FMN1: variants seen among roughly 807,000 people sequenced by gnomAD.
FMN1 encodes formin 1, also known as formin-1.
Under a neutral mutation model 132.4 loss-of-function variants are expected in FMN1, and 110 were observed. That is an observed-to-expected ratio of 0.83 (90% CI 0.71 to 0.97). FMN1 has a LOEUF of 0.97. Ranked by LOEUF, FMN1 falls within the 50% of genes least tolerant of loss-of-function variation. The pLI is 0.00. For synonymous variants in FMN1, 722 were observed against 651.7 expected (o/e 1.11, Z -1.64); for missense variants, 1,792 against 1,705.3 (o/e 1.05, Z -0.90).
intron 5 of FMN1, chr15:33,066,846 G>GC (rs1285745163): frequency 2.5e-6 from 4 of 1,613,826 alleles, no homozygotes; most frequent in African/African-American, 1.3e-5. Flanking sequence ...TTGAGCAGCA[G>GC]AGAGAGCTGC....
intron 9 of FMN1, among the ~76,000 whole-genome samples, chr15:32,932,126 C>T (rs910830887): frequency 6.6e-6 from 1 of 152,166 alleles, no homozygotes; most frequent in Non-Finnish European, 1.5e-5. Flanking sequence ...GGGCCAGGTG[C>T]AGTGGCTCAT....
intron 2 of FMN1, among the ~76,000 whole-genome samples, chr15:33,191,095 G>A (rs992090871): frequency 2.6e-5 from 4 of 151,946 alleles, no homozygotes; most frequent in Admixed American, 6.6e-5. Context: ...GCGTGAACCC[G>A]GGAGGCGGAG....
intron 7 of FMN1, among the ~76,000 whole-genome samples, chr15:32,994,205 A>C (rs887860042): frequency 9.4e-6 from 1 of 106,200 alleles, no homozygotes; most frequent in African/African-American, 3.5e-5. Flanking sequence ...GTTGAATAGA[A>C]CTCATTCCTC....
intron 7 of FMN1, among the ~76,000 whole-genome samples, chr15:32,995,803 G>C (rs537294134): frequency 6.6e-6 from 1 of 152,274 alleles, no homozygotes. Flanking sequence ...CCAGATCTGT[G>C]TTTTAACTCT....
intron 19 of FMN1, among the ~76,000 whole-genome samples, chr15:32,795,579 C>T (rs751241044): frequency 2.0e-5 from 3 of 147,764 alleles, no homozygotes; most frequent in South Asian, 2.1e-4. Context: ...ATCACATAGC[C>T]AATTAATGGG....
intron 6 of FMN1, among the ~76,000 whole-genome samples, chr15:33,047,046 T>C (rs545050330): frequency 1.3e-5 from 2 of 152,368 alleles, no homozygotes; most frequent in South Asian, 2.1e-4. Flanking sequence ...TTTTGTTTTA[T>C]GTCCTTGGGA....
chr15:32,812,539 A>G (rs1446410941), intron 17 of FMN1, among the ~76,000 whole-genome samples: 1 of 152,226 alleles, frequency 6.6e-6, no homozygotes, highest in African/African-American at 2.4e-5. Context: ...TCCCTCAAGG[A>G]CACTGAAAAA....
Position 33,004,901 on chromosome 15 carries a change from A to G in FMN1, c.2223+3113T>C, listed in dbSNP as rs549157094. Among the ~76,000 whole-genome samples the G allele has an allele frequency of 2.1e-3, 316 of 152,308 alleles. 1 individual carries two copies. The highest frequency in any genetic ancestry group is 6.5e-3 in the African/African-American group (269 of 41,552). ...ATGTCCTTTGTAGGGACATGGATGA[A>G]GCTGGAAACCATCATTCTCAGCAAA... On this transcript the variant is annotated intron_variant, in intron 7 of 20. Coordinates refer to ENST00000616417, the MANE Select transcript of FMN1 (RefSeq NM_001277313.2).
Position 32,771,388 on chromosome 15 carries a change from T to A in FMN1, c.*2922A>T, listed in dbSNP as rs1190805379. On this transcript the variant is annotated 3_prime_UTR_variant, in exon 21 of 21. Transcript: ENST00000616417. ...GCCACCACGCCCGGCCCGGGCCTGA[T>A]GCTTTTTACCTAACGTGTCTGTAGT... 6.8e-6 allele frequency: 1 copy of A among 146,870 alleles called. No individual in the cohort carries two copies. The highest frequency in any genetic ancestry group is 2.5e-5 in the African/African-American group (1 of 39,608). The allele number at this position is 146,870 out of a possible 1,614,324, so 9.1% of individuals were successfully genotyped here. A position where few individuals can be genotyped will look rare whatever the true frequency, so the allele number is the denominator to read the frequency against.
intron 6 of FMN1, among the ~76,000 whole-genome samples, chr15:33,036,610 CT>C (rs2036204152): frequency 6.6e-6 from 1 of 152,198 alleles, no homozygotes; most frequent in Non-Finnish European, 1.5e-5. Flanking sequence ...TGACTCCTCT[CT>C]TTACTAGCTT....
intron 7 of FMN1, among the ~76,000 whole-genome samples, chr15:32,980,770 C>G (rs1023551042): frequency 1.3e-5 from 2 of 152,126 alleles, no homozygotes; most frequent in Non-Finnish European, 2.9e-5. Context: ...TGCATATACA[C>G]TTTGGGAGGC....
At chr15:32,897,321 G>A (rs570005937) in intron 15 of FMN1, among the ~76,000 whole-genome samples, 9 of 152,160 alleles carry the variant, frequency 5.9e-5, no homozygotes, top group Non-Finnish European at 8.8e-5. Context: ...GTAAAATTAC[G>A]TGAATGTATT....
At chr15:32,923,991 A>G (rs1300662019) in intron 10 of FMN1, among the ~76,000 whole-genome samples, 1 of 152,216 alleles carries the variant, frequency 6.6e-6, no homozygotes, top group Non-Finnish European at 1.5e-5. Flanking sequence ...AGAATCCCTA[A>G]CTTCAATAAC....
intron 4 of FMN1, among the ~76,000 whole-genome samples, chr15:33,090,501 T>A (rs965581271): frequency 6.6e-6 from 1 of 152,136 alleles, no homozygotes; most frequent in South Asian, 2.1e-4. Flanking sequence ...TCTAGCAGGC[T>A]GTCCACAAAA....
Position 32,771,678 on chromosome 15 carries a change from A to G in FMN1, c.*2632T>C, listed in dbSNP as rs991890246. ...AGGGCTATGCCTAGAACAGCCACTT[A>G]AAGCCTGCTGGCAGGATGTGCTTAA... On this transcript the variant is annotated 3_prime_UTR_variant, in exon 21 of 21. Transcript: ENST00000616417. The G allele has an allele frequency of 6.6e-6, 1 of 152,232 alleles. No individual in the cohort carries two copies. Among genetic ancestry groups the G allele is most frequent in the Non-Finnish European group, 1.5e-5 (1 of 68,050 alleles). 9.4% of individuals were successfully genotyped at this position (152,232 alleles called of 1,614,324 possible).
intron 17 of FMN1, among the ~76,000 whole-genome samples, chr15:32,839,926 G>C (rs1015869615): frequency 4.7e-5 from 3 of 63,466 alleles, no homozygotes; most frequent in Admixed American, 1.9e-4. Flanking sequence ...TACTTGATGG[G>C]AGGGAGATCT....
In FMN1 at chr15:33,154,707, G is replaced by C; in HGVS notation, c.208C>G (p.Pro70Ala). The stretch of plus-strand genomic sequence containing the variant: ...GTCTGCTTGAAAAATATGTCGCCTG[G>C]ATGTTCGTCCGGCTCCTGGCTGAGG... Reference protein sequence around the residue: ...ISLSQEPDEHPGDIFFKQTPT... With the variant: ...ISLSQEPDEHAGDIFFKQTPT... The change falls in exon 4 of 21, where the codon CCA becomes GCA. Residue 70 changes from proline (P) to alanine (A), a missense_variant. Pro to Ala is a conservative substitution (Grantham distance 27). Coordinates refer to ENST00000616417, the MANE Select transcript of FMN1 (RefSeq NM_001277313.2). The C allele has an allele frequency of 6.5e-7, 1 of 1,536,096 alleles. No homozygotes were observed. The highest frequency in any genetic ancestry group is 8.7e-7 in the Non-Finnish European group (1 of 1,146,920).
At chr15:33,120,434 C>CA (rs1050638976) in intron 4 of FMN1, among the ~76,000 whole-genome samples, 1 of 152,130 alleles carries the variant, frequency 6.6e-6, no homozygotes, top group Non-Finnish European at 1.5e-5. Context: ...TTTTCCTACA[C>CA]ACCGGCAGGG....
chr15:33,011,451 T>A (rs1010890765), intron 6 of FMN1, among the ~76,000 whole-genome samples: 1 of 152,024 alleles, frequency 6.6e-6, no homozygotes, highest in Non-Finnish European at 1.5e-5. Context: ...AGCAAAATTG[T>A]AAATATTTTA....
Sources: gnomAD v4.1 joint callset for allele counts (sites outside exome capture counted in the v4.1 genomes callset) on GRCh38, gnomAD v4.1.1 for gene constraint, MANE v1.5 for transcripts, NCBI Gene and HGNC (gene_info 2026-07-23, HGNC 2026-07-21) for gene names.